HELZ: variants seen among roughly 807,000 people sequenced by gnomAD.
HELZ encodes ATP-dependent RNA helicase with zinc finger domain.
HELZ carries 23 observed loss-of-function variants against 218.2 expected under a neutral mutation model. The ratio of observed to expected loss-of-function variants is 0.11; its 90% CI spans 0.08 to 0.15. The LOEUF is 0.15. HELZ is among the 10% of genes least tolerant of loss of function. The pLI, the probability that HELZ is intolerant of heterozygous loss-of-function variation, is 1.00. For missense variants in HELZ, 1,813 were observed against 2,353.7 expected, an observed-to-expected ratio of 0.77 and a Z score of 4.75; for synonymous variants, 814 against 829.4, an observed-to-expected ratio of 0.98 and a Z score of 0.32.
At chr17:67,228,443 G>A (rs1463173723) in intron 3 of HELZ, among the ~76,000 whole-genome samples, 1 of 152,060 alleles carries the variant, frequency 6.6e-6, no homozygotes, top group Non-Finnish European at 1.5e-5. Flanking sequence ...CCAGCAGATT[G>A]CTGAGCTTAG....
chr17:67,196,912 A>T (rs922925708), intron 7 of HELZ, among the ~76,000 whole-genome samples: 1 of 152,050 alleles, frequency 6.6e-6, no homozygotes, highest in African/African-American at 2.4e-5. Flanking sequence ...AATGTCTCTC[A>T]TCTCTCTTAC....
At chr17:67,241,959 T>C (rs1335892506) in intron 2 of HELZ, among the ~76,000 whole-genome samples, 5 of 152,226 alleles carry the variant, frequency 3.3e-5, no homozygotes, top group Non-Finnish European at 5.9e-5. Flanking sequence ...AGTCTACATG[T>C]GTGAGAACTG....
At chr17:67,170,717 C>T (rs2039283530) in intron 13 of HELZ, among the ~76,000 whole-genome samples, 2 of 150,646 alleles carry the variant, frequency 1.3e-5, no homozygotes, top group African/African-American at 4.9e-5. Flanking sequence ...TCCATAGCTA[C>T]AAGGGAGGCT....
intron 24 of HELZ, 72 bp downstream of exon 24, chr17:67,128,579 C>T: frequency 3.1e-6 from 4 of 1,310,168 alleles, no homozygotes; most frequent in Non-Finnish European, 4.4e-6. Flanking sequence ...AACTTGCATC[C>T]CAATAAACCT....
At chr17:67,208,567 T>C (rs1020886622) in intron 5 of HELZ, among the ~76,000 whole-genome samples, 1 of 151,908 alleles carries the variant, frequency 6.6e-6, no homozygotes, top group African/African-American at 2.4e-5. Flanking sequence ...ATAAAGCTTA[T>C]ATATATATAA....
rs564450792 is a variant in HELZ, at chr17:67,211,837, A to G, written c.247+4062T>C. Among the ~76,000 whole-genome samples, 20 of 151,854 alleles carry G rather than the reference A, an allele frequency of 1.3e-4. No individual in the cohort carries two copies. In the South Asian group the frequency reaches 4.2e-3, roughly 32 times the overall value. ...GATTACGCCACTGCACTCCAGCCTGAGCGACAGAACAAAACTGTCTCAAAA... is the reference window on the plus strand; with the variant it reads ...GATTACGCCACTGCACTCCAGCCTGGGCGACAGAACAAAACTGTCTCAAAA... On this transcript the variant is annotated intron_variant, in intron 5 of 32. Transcript: ENST00000358691.
intron 21 of HELZ, among the ~76,000 whole-genome samples, chr17:67,143,458 T>TA (rs1567837392): frequency 6.6e-6 from 1 of 151,762 alleles, no homozygotes; most frequent in African/African-American, 2.4e-5. Flanking sequence ...ATACATTTTT[T>TA]AAAAAAAATT....
intron 18 of HELZ, 145 bp from the exon 19 acceptor site, chr17:67,150,130 CTTTTTTTTT>C (rs11408678): frequency 9.4e-5 from 17 of 180,098 alleles, no homozygotes; most frequent in South Asian, 2.8e-4. Context: ...TATTTTCTTT[CTTTTTTTTT>C]TTTTTTTTTT....
At chr17:67,192,492 C>T (rs1567878743) in intron 9 of HELZ, among the ~76,000 whole-genome samples, 1 of 152,068 alleles carries the variant, frequency 6.6e-6, no homozygotes, top group Non-Finnish European at 1.5e-5. Flanking sequence ...TTTTATGTTT[C>T]TTTTCAATAT....
Position 67,109,285 on chromosome 17 carries a change from T to C in HELZ, c.4320A>G (p.Pro1440=). 6.2e-7 allele frequency: 1 copy of C among 1,614,110 alleles called. No homozygotes were observed. Among genetic ancestry groups the C allele is most frequent in the South Asian group, 1.1e-5 (1 of 91,072 alleles). The change falls in exon 29 of 33, where the codon CCA becomes CCG. Residue 1440 remains proline (P), a synonymous_variant. Coordinates refer to ENST00000358691, the MANE Select transcript of HELZ (RefSeq NM_014877.4). ...AFFNSAVAHR[P]QSPPAEAVIP... is the part of the protein sequence containing the mutation. ...TTACAGCTTCTGCAGGAGGAGACTG[T>C]GGCCGATGAGCAACTGCACTATTAA... is the stretch of plus-strand genomic sequence containing the variant.
At chr17:67,207,221 T>C (rs2040327672) in intron 5 of HELZ, among the ~76,000 whole-genome samples, 3 of 133,710 alleles carry the variant, frequency 2.2e-5, no homozygotes, top group Admixed American at 2.2e-4. Context: ...CTTTTTTTTT[T>C]TTTTTTTTTT....
chr17:67,100,514 T>C (rs889634764), intron 31 of HELZ, among the ~76,000 whole-genome samples: 1 of 152,226 alleles, frequency 6.6e-6, no homozygotes, highest in Middle Eastern at 3.4e-3. Context: ...TCAAAAAGGA[T>C]TTTCTATTTA....
At chr17:67,146,111 G>A (rs565945115) in intron 20 of HELZ, among the ~76,000 whole-genome samples, 6 of 152,272 alleles carry the variant, frequency 3.9e-5, no homozygotes, top group South Asian at 2.1e-4. Context: ...GGTAAGGTAC[G>A]AAGCCAAAAC....
chr17:67,207,893 T>A (rs2040345988), intron 5 of HELZ, among the ~76,000 whole-genome samples: 1 of 152,066 alleles, frequency 6.6e-6, no homozygotes, highest in South Asian at 2.1e-4. Flanking sequence ...CCCATAATAC[T>A]AGCTTCTTGG....
intron 24 of HELZ, 137 bp downstream of exon 24, chr17:67,128,514 T>C (rs1442192835): frequency 1.4e-6 from 1 of 736,418 alleles, no homozygotes. Context: ...CTAAACAAGC[T>C]CCTTGCAGAA....
rs1434540139 is a variant in HELZ, at chr17:67,188,115, C to G, written c.1162+204G>C. 1 of 505,566 alleles carries G rather than the reference C, an allele frequency of 2.0e-6. No homozygotes were observed. Among genetic ancestry groups the G allele is most frequent in the Non-Finnish European group, 3.4e-6 (1 of 290,036 alleles). 31.3% of individuals were successfully genotyped at this position (505,566 alleles called of 1,614,324 possible). A position where few individuals can be genotyped will look rare whatever the true frequency, so the allele number is the denominator to read the frequency against. ...AGTTTGGGGAACCTCAAAGTTCAAGCTTTACCTGGTGGCTCTGTGAAGAAA... is the reference window on the plus strand; with the variant it reads ...AGTTTGGGGAACCTCAAAGTTCAAGGTTTACCTGGTGGCTCTGTGAAGAAA... On this transcript the variant is annotated intron_variant, in intron 12 of 32. Coordinates refer to ENST00000358691, the MANE Select transcript of HELZ (RefSeq NM_014877.4). The surrounding 1 kb of genome is among the most constrained non-coding windows in gnomAD (Gnocchi z 4.1).
At position 67,136,150 on chromosome 17, in the gene HELZ, G is replaced by A; in HGVS notation, c.3002C>T (p.Thr1001Ile). ...LFLSTVRTRH[T>I]CKHKQTPIKK... ...AATTGGTGTCTGTTTATGTTTACAAGTATGTCTTGTACGTACTGTGCTAAG... is the reference window on the plus strand; with the variant it reads ...AATTGGTGTCTGTTTATGTTTACAAATATGTCTTGTACGTACTGTGCTAAG... Residue 1001 changes from threonine (T) to isoleucine (I), a missense_variant, in exon 23 of 33, where the codon ACT becomes ATT. Around this residue, in one of 4 missense-constraint regions of HELZ, gnomAD observed 156 missense variants for 274.4 expected, o/e 0.57. Transcript: ENST00000358691. 2 of 1,613,996 alleles carry A rather than the reference G, an allele frequency of 1.2e-6. No homozygotes were observed. The highest frequency in any genetic ancestry group is 8.5e-7 in the Non-Finnish European group (1 of 1,179,912).
chr17:67,138,426 A>G (rs1279378910), intron 21 of HELZ, among the ~76,000 whole-genome samples: 2 of 152,152 alleles, frequency 1.3e-5, no homozygotes, highest in Non-Finnish European at 2.9e-5. Flanking sequence ...TGTGTGGGAA[A>G]AAGACAGGCC....
chr17:67,241,194 A>C (rs1244986725), intron 2 of HELZ, among the ~76,000 whole-genome samples: 1 of 152,242 alleles, frequency 6.6e-6, no homozygotes, highest in Non-Finnish European at 1.5e-5. Flanking sequence ...TTACATCTGC[A>C]TGTATATTCA....
Sources: gnomAD v4.1 joint callset for allele counts (sites outside exome capture counted in the v4.1 genomes callset) on GRCh38, gnomAD v4.1.1 for gene constraint, gnomAD v4.1.1 regional missense constraint, Gnocchi (gnomAD v3.1) non-coding constraint, MANE v1.5 for transcripts, NCBI Gene and HGNC (gene_info 2026-07-23, HGNC 2026-07-21) for gene names.